Variants in ARID1B observed in about 807,000 individuals in gnomAD.
ARID1B encodes the protein AT-rich interaction domain 1B, also known as AT-rich interactive domain-containing protein 1B.
ARID1B carries 30 observed loss-of-function variants against 212.3 expected under a neutral mutation model. That is an observed-to-expected ratio of 0.14 (90% CI 0.11 to 0.19). The LOEUF (loss-of-function observed/expected upper bound fraction) is 0.19, where lower values mean the gene tolerates loss of function less well. Ranked by LOEUF, ARID1B falls within the 10% of genes least tolerant of loss-of-function variation. The pLI, the probability that ARID1B is intolerant of heterozygous loss-of-function variation, is 1.00. For missense variants in ARID1B, 2,891 were observed against 3,204.0 expected (o/e 0.90, Z 2.36); for synonymous variants, 1,402 against 1,301.7 (o/e 1.08, Z -1.66).
chr6:156,992,953 G>A (rs1307385411), intron 4 of ARID1B, among the ~76,000 whole-genome samples: 1 of 151,734 alleles, frequency 6.6e-6, no homozygotes, highest in Admixed American at 6.6e-5. Flanking sequence ...AAAAGACCTT[G>A]TAAATCAGTC....
At chr6:156,803,685 C>A (rs1268471406) in intron 1 of ARID1B, among the ~76,000 whole-genome samples, 2 of 150,934 alleles carry the variant, frequency 1.3e-5, no homozygotes, top group Non-Finnish European at 2.9e-5. Flanking sequence ...TGCCCCTCCA[C>A]AGCTGCCCAC....
chr6:157,050,857 T>C (rs1414465822), intron 4 of ARID1B, among the ~76,000 whole-genome samples: 1 of 152,200 alleles, frequency 6.6e-6, no homozygotes, highest in Non-Finnish European at 1.5e-5. Context: ...CATATATGTG[T>C]GTTACACATT....
chr6:156,837,150 A>G (rs1220235733), intron 2 of ARID1B, among the ~76,000 whole-genome samples: 1 of 152,178 alleles, frequency 6.6e-6, no homozygotes, highest in Non-Finnish European at 1.5e-5. Flanking sequence ...CTAATTCTTA[A>G]TTTTATTGTT....
Position 156,778,247 on chromosome 6 carries a change from ACAGCAGCAGCTAAACCAGTTCCAGCAG to A in ARID1B, c.578_604del (p.Leu193_Gln201del), listed in dbSNP as rs1244866216. 8 of 1,541,052 alleles carry A rather than the reference ACAGCAGCAGCTAAACCAGTTCCAGCAG, an allele frequency of 5.2e-6. No individual in the cohort carries two copies. Among genetic ancestry groups the A allele is most frequent in the Non-Finnish European group, 6.1e-6 (7 of 1,146,248 alleles). ...ACCACCTCCACCACCACCACGCACT[ACAGCAGCAGCTAAACCAGTTCCAGCAG>A]CAGCAGCAGCAGCAGCAACAGCAGC... On this transcript the variant is annotated inframe_deletion, in exon 1 of 20. Transcript: ENST00000636930.
chr6:157,021,323 A>G (rs566339273), intron 4 of ARID1B, among the ~76,000 whole-genome samples: 1 of 152,282 alleles, frequency 6.6e-6, no homozygotes, highest in African/African-American at 2.4e-5. Context: ...AGAACCAGTG[A>G]TTCCACGGAC....
rs568985812 is a variant in ARID1B at position 156,914,194 on chromosome 6, C to T, written c.2136+12669C>T. ...GCCCCCATTCCACTCTACTCCCCAG[C>T]TCCCAGCCCTTCCCAGCCCGTGGTG... is the stretch of plus-strand genomic sequence containing the variant. On this transcript the variant is annotated intron_variant, in intron 3 of 19. Transcript: ENST00000636930. 2.5e-3 allele frequency among the ~76,000 whole-genome samples: 378 copies of T among 151,128 alleles called. 3 individuals carry two copies. Among genetic ancestry groups the T allele is most frequent in the African/African-American group, 8.9e-3 (363 of 40,816 alleles).
chr6:157,200,876 A>G lies in ARID1B; in HGVS notation c.4651A>G (p.Ser1551Gly). The change falls in exon 18 of 20, where the codon AGC becomes GGC. Residue 1551 changes from serine to glycine, a missense_variant. Physicochemically the swap from Ser to Gly is moderately conservative, Grantham distance 56. Transcript: ENST00000636930. This position sits in a 1 kb window ranked among gnomAD's most constrained non-coding sequence, Gnocchi z 4.3. ...PIQGQYPYPY[S>G]RERMQGPGQI... is the part of the protein sequence containing the mutation. ...CCAGGGCCAGTACCCGTATCCCTACAGCAGGGAGAGGATGCAGGGCCCGGG... is the reference window on the plus strand; with the variant it reads ...CCAGGGCCAGTACCCGTATCCCTACGGCAGGGAGAGGATGCAGGGCCCGGG... 2 of 1,614,016 alleles carry G rather than the reference A, an allele frequency of 1.2e-6. No individual in the cohort carries two copies. Among genetic ancestry groups the G allele is most frequent in the East Asian group, 2.2e-5 (1 of 44,880 alleles).
intron 11 of ARID1B, among the ~76,000 whole-genome samples, chr6:157,179,548 G>A (rs1792361480): frequency 6.6e-6 from 1 of 152,170 alleles, no homozygotes; most frequent in African/African-American, 2.4e-5. Flanking sequence ...TTTAAGTGAT[G>A]TGAAGTTTAA....
Position 157,203,795 on chromosome 6 carries a change from C to T in ARID1B, c.5264-71C>T. The T allele has an allele frequency of 6.4e-6, 10 of 1,558,572 alleles. No individual in the cohort carries two copies. The Admixed American group carries it at 1.1e-4, about 16-fold the overall frequency. On this transcript the variant is annotated intron_variant, in intron 18 of 19. Coordinates refer to ENST00000636930, the MANE Select transcript of ARID1B (RefSeq NM_001374828.1). The surrounding 1 kb of genome is among the most constrained non-coding windows in gnomAD (Gnocchi z 4.4). ...AACACTCCACTTATTTTTTCTTACT[C>T]TTTCGTTAACTTTCGTTCTTTCATG...
At chr6:156,814,012 C>T (rs1279889353) in intron 1 of ARID1B, among the ~76,000 whole-genome samples, 1 of 152,064 alleles carries the variant, frequency 6.6e-6, no homozygotes, top group Admixed American at 6.6e-5. Context: ...GTACAGTGTG[C>T]CAGCAAACAA....
At chr6:156,905,608 C>G (rs1487376495) in intron 3 of ARID1B, among the ~76,000 whole-genome samples, 1 of 152,176 alleles carries the variant, frequency 6.6e-6, no homozygotes, top group Non-Finnish European at 1.5e-5. Flanking sequence ...AAATCATTAA[C>G]TGAATTTCCT....
intron 7 of ARID1B, among the ~76,000 whole-genome samples, chr6:157,133,969 T>G (rs1224405125): frequency 6.6e-6 from 1 of 152,230 alleles, no homozygotes; most frequent in African/African-American, 2.4e-5. Flanking sequence ...CATTTGAATT[T>G]ACCACCTTCC....
At chr6:156,867,357 A>C (rs1172112431) in intron 2 of ARID1B, among the ~76,000 whole-genome samples, 1 of 152,184 alleles carries the variant, frequency 6.6e-6, no homozygotes, top group Admixed American at 6.5e-5. Context: ...CTGAGGACAT[A>C]GGAAGAGCCA....
chr6:157,190,356 T>C lies in ARID1B; in HGVS notation c.4231+146T>C. The C allele has an allele frequency of 3.8e-6, 4 of 1,056,318 alleles. No homozygotes were observed. The highest frequency in any genetic ancestry group is 5.3e-6 in the Non-Finnish European group (4 of 758,040). The allele number at this position is 1,056,318 out of a possible 1,614,324, so 65.4% of individuals were successfully genotyped here. On this transcript the variant is annotated intron_variant, in intron 15 of 19. Transcript: ENST00000636930. The surrounding 1 kb of genome is among the most constrained non-coding windows in gnomAD (Gnocchi z 4.6). The stretch of plus-strand genomic sequence containing the variant: ...CCAGGTCCCCATCCTACTCCACTTG[T>C]GGCCTTGGGAAAAGCAGTTAGCCTC...
In ARID1B at chr6:157,110,453, T is replaced by G. The variant is rs1786822730; in HGVS notation, c.2492-19T>G. On this transcript the variant is annotated intron_variant, in intron 5 of 19. Transcript: ENST00000636930. The stretch of plus-strand genomic sequence containing the variant: ...GCAAAGGGTTCCCCCATCTCCACTT[T>G]CCCTCCTGTGTTTTACAGGTAGTCA... 5.0e-6 allele frequency: 8 copies of G among 1,612,622 alleles called. No individual in the cohort carries two copies. Among genetic ancestry groups the G allele is most frequent in the Non-Finnish European group, 5.9e-6 (7 of 1,178,696 alleles).
intron 4 of ARID1B, chr6:156,936,778 GTA>G (rs1208300444): frequency 2.6e-5 from 4 of 152,006 alleles, no homozygotes; most frequent in Non-Finnish European, 4.4e-5. Context: ...TGGGAATTCA[GTA>G]TAGCCATGAT....
chr6:156,900,693 A>G (rs1788854008), intron 2 of ARID1B, among the ~76,000 whole-genome samples: 1 of 152,210 alleles, frequency 6.6e-6, no homozygotes, highest in African/African-American at 2.4e-5. Flanking sequence ...ATTTTCCTGT[A>G]AACAATGCTT....
chr6:157,075,996 G>A (rs1234914552), intron 4 of ARID1B, among the ~76,000 whole-genome samples: 1 of 152,190 alleles, frequency 6.6e-6, no homozygotes, highest in African/African-American at 2.4e-5. Flanking sequence ...GAAGTCTCTG[G>A]TTAACAGTGT....
chr6:156,976,855 G>C lies in ARID1B; in HGVS notation c.2247+41279G>C, dbSNP rs892589789. 3.4e-5 allele frequency: 20 copies of C among 580,114 alleles called. No homozygotes were observed. The Admixed American group carries it at 3.5e-4, about 10-fold the overall frequency. The allele number at this position is 580,114 out of a possible 1,614,324, so 35.9% of individuals were successfully genotyped here. A position where few individuals can be genotyped will look rare whatever the true frequency, so the allele number is the denominator to read the frequency against. ...GAAATCATTGATGATCACAGAGCTG[G>C]GAAAATTGTTGTGAACCTCACAGGC... is the stretch of plus-strand genomic sequence containing the variant. On this transcript the variant is annotated intron_variant, in intron 4 of 19. Coordinates refer to ENST00000636930, the MANE Select transcript of ARID1B (RefSeq NM_001374828.1).
Sources: gnomAD v4.1 joint callset for allele counts (sites outside exome capture counted in the v4.1 genomes callset) on GRCh38, gnomAD v4.1.1 for gene constraint, Gnocchi (gnomAD v3.1) non-coding constraint, MANE v1.5 for transcripts, NCBI Gene and HGNC (gene_info 2026-07-23, HGNC 2026-07-21) for gene names.